The following CNGB1 variants were observed in gnomAD, a reference collection of about 807,000 sequenced individuals.
The protein encoded by CNGB1 is cyclic nucleotide-gated channel beta-1.
In CNGB1, 126 loss-of-function variants were observed where a neutral mutation model predicts 151.7. That is an observed-to-expected ratio of 0.83 (90% CI 0.72 to 0.96). The LOEUF (loss-of-function observed/expected upper bound fraction) is 0.96. Among genes scored for constraint, CNGB1 ranks in the 40% least tolerant of loss-of-function variants. CNGB1 has a pLI of 0.00. For synonymous variants in CNGB1, 623 were observed against 635.1 expected (o/e 0.98, Z 0.29); for missense variants, 1,698 against 1,627.0 (o/e 1.04, Z -0.75).
chr16:57,932,508 T>G (rs182472747), intron 16 of CNGB1, among the ~76,000 whole-genome samples: 5 of 149,418 alleles, frequency 3.3e-5, no homozygotes, highest in African/African-American at 4.9e-5. Flanking sequence ...GTTCATGCCA[T>G]TCTCCTGCCT....
At chr16:57,906,182 C>T (rs962281595) in intron 25 of CNGB1, among the ~76,000 whole-genome samples, 1 of 152,220 alleles carries the variant, frequency 6.6e-6, no homozygotes, top group African/African-American at 2.4e-5. Context: ...CACCTTCTGG[C>T]TGCATAACTT....
chr16:57,901,420 T>C lies in CNGB1; in HGVS notation c.2908A>G (p.Met970Val). The change falls in exon 29 of 33, where the codon ATG becomes GTG. Residue 970 changes from methionine (M) to valine (V), a missense_variant. Physicochemically the swap from Met to Val is conservative, Grantham distance 21. Coordinates refer to ENST00000251102, the MANE Select transcript of CNGB1 (RefSeq NM_001297.5). ...AGCCTCTTCAGCATGTCAAAGATCA[T>C]CTGCCGGTCACAGCCCTGTCCCGGT... ...VALFQGCDRQ[M>V]IFDMLKRLRS... The C allele has an allele frequency of 6.2e-7, 1 of 1,614,164 alleles. No homozygotes were observed. The highest frequency in any genetic ancestry group is 8.5e-7 in the Non-Finnish European group (1 of 1,180,030).
At chr16:57,893,977 G>C (rs1366657039) in intron 31 of CNGB1, among the ~76,000 whole-genome samples, 1 of 152,168 alleles carries the variant, frequency 6.6e-6, no homozygotes, top group Non-Finnish European at 1.5e-5. Flanking sequence ...TGGGGTTCCT[G>C]ACACACTACG....
At chr16:57,970,305 G>A (rs1962508339) in intron 1 of CNGB1, among the ~76,000 whole-genome samples, 1 of 152,128 alleles carries the variant, frequency 6.6e-6, no homozygotes, top group South Asian at 2.1e-4. Flanking sequence ...GCAGCCCCGA[G>A]AGCCAGGGCT....
At chr16:57,917,131 C>G (rs1338592316) in intron 21 of CNGB1, 137 bp downstream of exon 21, 8 of 769,516 alleles carry the variant, frequency 1.0e-5, no homozygotes, top group Non-Finnish European at 1.8e-5. Context: ...TGCTATTGAA[C>G]AAGCACAGCA....
At chr16:57,949,233 C>T in intron 14 of CNGB1, 120 bp downstream of exon 14, 4 of 1,572,884 alleles carry the variant, frequency 2.5e-6, no homozygotes, top group Non-Finnish European at 3.4e-6. Context: ...AAAGCCCAGC[C>T]TTACACAGCA....
chr16:57,945,024 ACTCAAATCT>A (rs1961770802), intron 14 of CNGB1, among the ~76,000 whole-genome samples: 1 of 151,958 alleles, frequency 6.6e-6, no homozygotes, highest in Non-Finnish European at 1.5e-5. Context: ...GGAAAAAAAA[ACTCAAATCT>A]CACATAACCC....
intron 11 of CNGB1, 141 bp downstream of exon 11, chr16:57,958,269 G>A (rs1962141129): frequency 4.0e-6 from 2 of 506,306 alleles, no homozygotes; most frequent in East Asian, 3.6e-5. Context: ...GGGAGTGGGT[G>A]GAATGAACGT....
chr16:57,966,951 C>T (rs1962414062), intron 2 of CNGB1, among the ~76,000 whole-genome samples, 177 bp downstream of exon 2: 1 of 152,188 alleles, frequency 6.6e-6, no homozygotes, highest in South Asian at 2.1e-4. Context: ...GCAAGCCCTA[C>T]CCACTGTCTG....
Position 57,916,644 on chromosome 16 carries a change from A to G in CNGB1, c.2167-465T>C, listed in dbSNP as rs574771897. Among the ~76,000 whole-genome samples the G allele has an allele frequency of 2.0e-5, 3 of 152,316 alleles. No individual in the cohort carries two copies. The East Asian group carries it at 5.8e-4, about 29-fold the overall frequency. On this transcript the variant is annotated intron_variant, in intron 21 of 32. Coordinates refer to ENST00000251102, the MANE Select transcript of CNGB1 (RefSeq NM_001297.5). ...GCACTGCCGGGGTGGAATTTTGGAAAGTGACCCACACTGGGAGACAGGGAC... is the reference window on the plus strand; with the variant it reads ...GCACTGCCGGGGTGGAATTTTGGAAGGTGACCCACACTGGGAGACAGGGAC...
At chr16:57,957,574 G>C (rs933156162) in intron 11 of CNGB1, among the ~76,000 whole-genome samples, 197 bp from the exon 12 acceptor site, 18 of 152,326 alleles carry the variant, frequency 1.2e-4, no homozygotes, top group Non-Finnish European at 2.1e-4. Context: ...TTGAGAGCTC[G>C]AGCCTTGGCT....
At chr16:57,937,371 A>G (rs1961541483) in intron 16 of CNGB1, 1 of 152,364 alleles carries the variant, frequency 6.6e-6, no homozygotes, top group Non-Finnish European at 1.5e-5. Context: ...TGCAATTAGG[A>G]GCACAGAGTT....
At chr16:57,911,625 T>A in intron 25 of CNGB1, 128 bp downstream of exon 25, 1 of 1,317,748 alleles carries the variant, frequency 7.6e-7, no homozygotes, top group Non-Finnish European at 1.1e-6. Context: ...TGCCAGTGAT[T>A]GCTTAGGAGC....
intron 17 of CNGB1, among the ~76,000 whole-genome samples, chr16:57,928,977 C>CT (rs1471478649): frequency 6.6e-6 from 1 of 152,120 alleles, no homozygotes; most frequent in Non-Finnish European, 1.5e-5. Flanking sequence ...GTAGATGACA[C>CT]TGAAAGCACA....
intron 25 of CNGB1, among the ~76,000 whole-genome samples, chr16:57,910,667 C>T (rs12927475): frequency 0.16 from 23,237 of 146,472 alleles, 2,016 homozygotes; most frequent in African/African-American, 0.17. Context: ...AGCCACCAAG[C>T]CCGGCCTTTT....
At chr16:57,954,322 G>T (rs1327795627) in intron 12 of CNGB1, among the ~76,000 whole-genome samples, 4 of 152,178 alleles carry the variant, frequency 2.6e-5, no homozygotes, top group African/African-American at 2.4e-5. Context: ...GAAGAGGCAG[G>T]TGCCACCTGC....
At position 57,901,336 on chromosome 16, in the gene CNGB1, TG is replaced by T. The variant is rs1456797886; in HGVS notation, c.2976+15del. ...GGTGAACCCCAGATCCCGTGGTGGC[TG>T]CCAGGCCAGCTCACCTTCTTGCACA... is the stretch of plus-strand genomic sequence containing the variant. On this transcript the variant is annotated intron_variant, in intron 29 of 32. Transcript: ENST00000251102. The T allele has an allele frequency of 4.3e-6, 7 of 1,613,454 alleles. No homozygotes were observed. The highest frequency in any genetic ancestry group is 5.9e-6 in the Non-Finnish European group (7 of 1,179,660).
At chr16:57,954,315 G>T (rs569560523) in intron 12 of CNGB1, among the ~76,000 whole-genome samples, 6 of 152,288 alleles carry the variant, frequency 3.9e-5, no homozygotes, top group African/African-American at 1.4e-4. Flanking sequence ...AACAAATGAA[G>T]AGGCAGGTGC....
intron 22 of CNGB1, 46 bp from the exon 23 acceptor site, chr16:57,915,381 G>T: frequency 6.8e-7 from 1 of 1,462,678 alleles, no homozygotes; most frequent in Non-Finnish European, 9.6e-7. Flanking sequence ...GATGACTCCA[G>T]GGTGGAAGGT....
Sources: gnomAD v4.1 joint callset for allele counts (sites outside exome capture counted in the v4.1 genomes callset) on GRCh38, gnomAD v4.1.1 for gene constraint, MANE v1.5 for transcripts, NCBI Gene and HGNC (gene_info 2026-07-23, HGNC 2026-07-21) for gene names.